The following EMILIN1 variants were observed in gnomAD, a reference collection of about 807,000 sequenced individuals.
EMILIN1 encodes the protein elastin microfibril interfacer 1, also known as EMILIN-1.
Under a neutral mutation model 82.4 loss-of-function variants are expected in EMILIN1, and 49 were observed. The ratio of observed to expected loss-of-function variants is 0.59; its 90% CI spans 0.47 to 0.75. EMILIN1 has a LOEUF of 0.75. EMILIN1 is among the 30% of genes least tolerant of loss of function. The pLI is 0.00. For synonymous variants in EMILIN1, 604 were observed against 602.2 expected, an observed-to-expected ratio of 1.00 and a Z score of -0.04; for missense variants, 1,313 against 1,366.4, an observed-to-expected ratio of 0.96 and a Z score of 0.62.
At position 27,082,301 on chromosome 2, in the gene EMILIN1, C is replaced by G; in HGVS notation, c.730C>G (p.Leu244Val). The G allele has an allele frequency of 3.1e-6, 5 of 1,613,060 alleles. No homozygotes were observed. Among genetic ancestry groups the G allele is most frequent in the South Asian group, 1.1e-5 (1 of 91,088 alleles). Residue 244 changes from leucine (L) to valine (V), a missense_variant, in exon 4 of 8, where the codon CTG (leucine) becomes GTG (valine). Leu to Val is a conservative substitution (Grantham distance 32, BLOSUM62 1). Coordinates refer to ENST00000380320, the MANE Select transcript of EMILIN1 (RefSeq NM_007046.4). The stretch of plus-strand genomic sequence containing the variant: ...AACCCTCAATGAGATCCAGCACCAG[C>G]TGCAGCTCCTGGACACCCGCGTCTC... The part of the protein sequence containing the change: ...HETLNEIQHQ[L>V]QLLDTRVSTH...
chr2:27,085,097 C>G, intron 6 of EMILIN1, 63 bp from the exon 7 acceptor site: 1 of 1,613,240 alleles, frequency 6.2e-7, no homozygotes, highest in Non-Finnish European at 8.5e-7. Flanking sequence ...GGGGATCCAG[C>G]AGGGGAAGGG....
Position 27,079,229 on chromosome 2 carries a change from G to A in EMILIN1, c.164G>A (p.Arg55His), listed in dbSNP as rs781412307. The change falls in exon 1 of 8, where the codon CGC becomes CAC. Residue 55 changes from arginine (R) to histidine (H), a missense_variant. Arg to His is a conservative substitution (Grantham distance 29). Transcript: ENST00000380320. ...QAQIAPRPASRHRNWCAYVVT... is the reference protein window; with the variant it reads ...QAQIAPRPASHHRNWCAYVVT... Reference sequence around the variant, plus strand: ...CAGATTGCCCCCCGGCCAGCCAGCCGCCACAGGTAAGAGTCTGGATCCCAG... The same window carrying A: ...CAGATTGCCCCCCGGCCAGCCAGCCACCACAGGTAAGAGTCTGGATCCCAG... 2.7e-5 allele frequency: 42 copies of A among 1,562,150 alleles called. No homozygotes were observed. In the African/African-American group the frequency reaches 5.0e-4, roughly 19 times the overall value.
At position 27,079,189 on chromosome 2, in the gene EMILIN1, G is replaced by A. The variant is rs1273581666; in HGVS notation, c.124G>A (p.Gly42Arg). 12 of 1,579,772 alleles carry A rather than the reference G, an allele frequency of 7.6e-6. No homozygotes were observed. Among genetic ancestry groups the A allele is most frequent in the Middle Eastern group, 1.7e-4 (1 of 5,940 alleles). Residue 42 changes from glycine to arginine, a missense_variant, in exon 1 of 8, where the codon GGG (glycine) becomes AGG (arginine). By Grantham distance (125) the Gly-to-Arg change is moderately radical. Transcript: ENST00000380320. ...YTGSSGALSPGGPQAQIAPRP... is the reference protein window; with the variant it reads ...YTGSSGALSPRGPQAQIAPRP... ...AGGTTCCAGTGGGGCCCTCAGCCCC[G>A]GGGGGCCCCAGGCCCAGATTGCCCC...
rs567811350 is a variant in EMILIN1, at chr2:27,082,827, G to A, written c.1256G>A (p.Gly419Asp). ...RLEDRFNSTL[G>D]PSEEQEESWP... ...GAGGACCGCTTCAACTCCACCCTGG[G>A]CCCTTCGGAGGAGCAGGAGGAGAGC... is the stretch of plus-strand genomic sequence containing the variant. The change falls in exon 4 of 8, where the codon GGC (glycine) becomes GAC (aspartate). Residue 419 changes from glycine to aspartate, a missense_variant. Transcript: ENST00000380320. The A allele has an allele frequency of 5.7e-6, 9 of 1,566,750 alleles. No homozygotes were observed. The East Asian group carries it at 2.1e-4, about 36-fold the overall frequency.
intron 2 of EMILIN1, 98 bp downstream of exon 2, chr2:27,080,368 G>A (rs1232012018): frequency 9.4e-6 from 14 of 1,482,214 alleles, no homozygotes; most frequent in Non-Finnish European, 1.2e-5. Flanking sequence ...CAGGGAGCAA[G>A]GGCAGGACAG....
chr2:27,083,584 G>C lies in EMILIN1; in HGVS notation c.2013G>C (p.Gln671His). Residue 671 changes from glutamine to histidine, a missense_variant, in exon 4 of 8, where the codon CAG becomes CAC. Physicochemically the swap from Gln to His is conservative, Grantham distance 24. Transcript: ENST00000380320. ...LNELQTTVEG[Q>H]GADLADLGAT... is the part of the protein sequence containing the mutation. Reference sequence around the variant, plus strand: ...AGCTCCAGACCACTGTGGAGGGCCAGGGCGCTGATCTGGCTGACCTGGGGG... The same window carrying C: ...AGCTCCAGACCACTGTGGAGGGCCACGGCGCTGATCTGGCTGACCTGGGGG... 2 of 1,613,976 alleles carry C rather than the reference G, an allele frequency of 1.2e-6. No homozygotes were observed. Among genetic ancestry groups the C allele is most frequent in the Non-Finnish European group, 1.7e-6 (2 of 1,179,876 alleles).
intron 7 of EMILIN1, 83 bp from the exon 8 acceptor site, chr2:27,085,595 C>T: frequency 1.5e-6 from 2 of 1,328,890 alleles, no homozygotes; most frequent in Non-Finnish European, 2.1e-6. Flanking sequence ...TGAAAAGACC[C>T]AGAGGGTCCC....
Position 27,078,931 on chromosome 2 carries a change from G to C in EMILIN1, c.-135G>C. On this transcript the variant is annotated 5_prime_UTR_variant, in exon 1 of 8. Coordinates refer to ENST00000380320, the MANE Select transcript of EMILIN1 (RefSeq NM_007046.4). Reference sequence around the variant, plus strand: ...AGCCAAGGAGAAGACGTGTGGCCGGGGGCTATCAGAAGGAAACTGGGACGG... The same window carrying C: ...AGCCAAGGAGAAGACGTGTGGCCGGCGGCTATCAGAAGGAAACTGGGACGG... The C allele has an allele frequency of 3.3e-6, 2 of 612,860 alleles. No individual in the cohort carries two copies. The highest frequency in any genetic ancestry group is 2.7e-6 in the Non-Finnish European group (1 of 376,286). 38.0% of individuals were successfully genotyped at this position (612,860 alleles called of 1,614,324 possible).
chr2:27,085,550 G>A (rs1221429083), intron 7 of EMILIN1, 128 bp from the exon 8 acceptor site: 8 of 992,434 alleles, frequency 8.1e-6, no homozygotes, highest in Admixed American at 4.9e-5. Context: ...AGTGAACAAA[G>A]CCCCCAGTTC....
chr2:27,083,527 C>T lies in EMILIN1; in HGVS notation c.1956C>T (p.Leu652=). The T allele has an allele frequency of 6.2e-7, 1 of 1,614,084 alleles. No individual in the cohort carries two copies. Among genetic ancestry groups the T allele is most frequent in the Non-Finnish European group, 8.5e-7 (1 of 1,180,000 alleles). Residue 652 remains leucine, a synonymous_variant, in exon 4 of 8, where the codon CTC becomes CTT. Coordinates refer to ENST00000380320, the MANE Select transcript of EMILIN1 (RefSeq NM_007046.4). ...ALQGELSEVI[L]SFSSLNDSLN... ...AAGGAGAGCTCTCTGAGGTTATTCT[C>T]AGCTTCAGCTCCCTCAATGACTCAC...
intron 3 of EMILIN1, 147 bp from the exon 4 acceptor site, chr2:27,081,936 G>A: frequency 3.1e-6 from 3 of 975,152 alleles, no homozygotes; most frequent in Non-Finnish European, 1.5e-6. Flanking sequence ...TTCAGTGAAT[G>A]GAGTTTCTTT....
At chr2:27,080,123 T>C (rs1179134376) in intron 1 of EMILIN1, 28 bp from the exon 2 acceptor site, 1 of 1,612,938 alleles carries the variant, frequency 6.2e-7, no homozygotes, top group East Asian at 2.2e-5. Flanking sequence ...TCTTTGGTCC[T>C]TGGACCCAGA....
Position 27,082,242 on chromosome 2 carries a change from CAGCT to C in EMILIN1, c.672_675del (p.Ala225ThrfsTer84), listed in dbSNP as rs770916907. 6.2e-7 allele frequency: 1 copy of C among 1,613,372 alleles called. No homozygotes were observed. The highest frequency in any genetic ancestry group is 8.5e-7 in the Non-Finnish European group (1 of 1,179,960). The stretch of plus-strand genomic sequence containing the variant: ...ACGGCCTTCAACGGGAGGCAGCAGC[CAGCT>C]GACGCGGCTGCCCGCCCTGGGGTGC... On this transcript the variant is annotated frameshift_variant, in exon 4 of 8. Transcript: ENST00000380320. LOFTEE classifies it high-confidence loss of function.
chr2:27,084,440 A>C lies in EMILIN1; in HGVS notation c.2466A>C (p.Pro822=). The change falls in exon 5 of 8, where the codon CCA becomes CCC. Residue 822 remains proline, a synonymous_variant. Coordinates refer to ENST00000380320, the MANE Select transcript of EMILIN1 (RefSeq NM_007046.4). ...GGCCTGCAGGAGAGGCTGGGCCCCC[A>C]GGGCCTCCTGGGCTGCAGGGACCCC... ...LTGPAGEAGP[P]GPPGLQGPPG... 1 of 1,611,544 alleles carries C rather than the reference A, an allele frequency of 6.2e-7. No homozygotes were observed. The highest frequency in any genetic ancestry group is 8.5e-7 in the Non-Finnish European group (1 of 1,179,004).
chr2:27,080,350 G>T, intron 2 of EMILIN1, 80 bp downstream of exon 2: 1 of 1,569,354 alleles, frequency 6.4e-7, no homozygotes. Context: ...CAGGGAGTCT[G>T]TATGAAGCAG....
chr2:27,085,060 A>G, intron 6 of EMILIN1, 52 bp downstream of exon 6: 2 of 1,613,042 alleles, frequency 1.2e-6, no homozygotes, highest in Non-Finnish European at 1.7e-6. Flanking sequence ...GGGTTGGAGG[A>G]TAGAGGTCCT....
chr2:27,085,025 T>G lies in EMILIN1; in HGVS notation c.2575+17T>G. On this transcript the variant is annotated intron_variant, in intron 6 of 7. Transcript: ENST00000380320. ...GTGAACAGGGTGAGTGCCTTTCATTTGATTCTGGAGGGAGAAGTGACTAGG... is the reference window on the plus strand; with the variant it reads ...GTGAACAGGGTGAGTGCCTTTCATTGGATTCTGGAGGGAGAAGTGACTAGG... The G allele has an allele frequency of 6.2e-7, 1 of 1,613,888 alleles. No homozygotes were observed.
Position 27,079,246 on chromosome 2 carries a change from G to A in EMILIN1, c.170+11G>A. Reference sequence around the variant, plus strand: ...AGCCAGCCGCCACAGGTAAGAGTCTGGATCCCAGCCCGAGGCTTGGGTGGT... The same window carrying A: ...AGCCAGCCGCCACAGGTAAGAGTCTAGATCCCAGCCCGAGGCTTGGGTGGT... On this transcript the variant is annotated intron_variant, in intron 1 of 7. Transcript: ENST00000380320. 2.6e-6 allele frequency: 4 copies of A among 1,544,454 alleles called. No homozygotes were observed. The highest frequency in any genetic ancestry group is 3.5e-6 in the Non-Finnish European group (4 of 1,153,876).
In EMILIN1 at chr2:27,085,895, G is replaced by A; in HGVS notation, c.2931G>A (p.Leu977=). The A allele has an allele frequency of 6.4e-7, 1 of 1,571,538 alleles. No individual in the cohort carries two copies. The highest frequency in any genetic ancestry group is 1.7e-4 in the Middle Eastern group (1 of 5,824). The change falls in exon 8 of 8, where the codon CTG becomes CTA. Residue 977 remains leucine, a synonymous_variant. Transcript: ENST00000380320. The part of the protein sequence containing the change: ...TLGVFSLILP[L]QAGDTVCVDL... ...GCGTCTTCAGCCTCATCCTGCCGCT[G>A]CAGGCCGGGGACACGGTCTGCGTCG...
Sources: gnomAD v4.1 joint callset for allele counts on GRCh38, gnomAD v4.1.1 for gene constraint, MANE v1.5 for transcripts, NCBI Gene and HGNC (gene_info 2026-07-23, HGNC 2026-07-21) for gene names.